CSMD1: variants seen among roughly 807,000 people sequenced by gnomAD.
CSMD1 encodes CUB and sushi domain-containing protein 1.
Under a neutral mutation model 417.5 loss-of-function variants are expected in CSMD1, and 213 were observed. The ratio of observed to expected loss-of-function variants is 0.51; its 90% confidence interval spans 0.46 to 0.57. CSMD1 has a LOEUF of 0.57. Ranked by LOEUF, CSMD1 falls within the 20% of genes least tolerant of loss-of-function variation. The pLI, the probability that CSMD1 is intolerant of heterozygous loss-of-function variation, is 0.00. For synonymous variants in CSMD1, 2,862 were observed against 1,736.8 expected (o/e 1.65, Z -16.11); for missense variants, 6,923 against 4,529.7 (o/e 1.53, Z -15.17).
At chr8:3,267,440 G>A (rs1323930926) in intron 26 of CSMD1, among the ~76,000 whole-genome samples, 2 of 152,206 alleles carry the variant, frequency 1.3e-5, no homozygotes, top group Non-Finnish European at 1.5e-5. Flanking sequence ...GAGCAGTTGC[G>A]TGGTTGGTGG....
At chr8:4,032,235 C>T in intron 3 of CSMD1, 136 bp from the exon 4 acceptor site, 2 of 615,854 alleles carry the variant, frequency 3.2e-6, no homozygotes, top group Non-Finnish European at 5.4e-6. Flanking sequence ...TTAATTGTTG[C>T]TAAAAAATAA....
At chr8:3,121,588 G>C (rs1419534650) in intron 41 of CSMD1, among the ~76,000 whole-genome samples, 1 of 152,112 alleles carries the variant, frequency 6.6e-6, no homozygotes, top group African/African-American at 2.4e-5. Context: ...TACTAACAGA[G>C]CTTTGGGGGC....
intron 5 of CSMD1, among the ~76,000 whole-genome samples, chr8:3,924,888 C>G (rs909686652): frequency 1.3e-5 from 2 of 152,002 alleles, no homozygotes; most frequent in African/African-American, 2.4e-5. Context: ...GGTACTGGTG[C>G]TTTGTTTTGC....
In CSMD1 at chr8:4,202,938, A is replaced by T. The variant is rs187984649; in HGVS notation, c.416-170839T>A. The stretch of plus-strand genomic sequence containing the variant: ...TGGAGTGAGGAGAGATGTTGGCCTT[A>T]TCTCTTTTTGCAGTTGTGGGAGGAG... On this transcript the variant is annotated intron_variant, in intron 3 of 69. Transcript: ENST00000635120. Among the ~76,000 whole-genome samples, 542 of 152,234 alleles carry T rather than the reference A, an allele frequency of 3.6e-3. 1 individual carries two copies. The highest frequency in any genetic ancestry group is 6.2e-3 in the Non-Finnish European group (424 of 68,010).
chr8:3,356,555 G>A (rs1808805406), intron 21 of CSMD1, among the ~76,000 whole-genome samples: 5 of 152,142 alleles, frequency 3.3e-5, no homozygotes. Context: ...TGTGCCTGTA[G>A]TCCCAGCAAC....
chr8:3,398,959 C>A (rs1411682296), intron 16 of CSMD1, among the ~76,000 whole-genome samples: 1 of 152,180 alleles, frequency 6.6e-6, no homozygotes, highest in Non-Finnish European at 1.5e-5. Flanking sequence ...CCATTGCCCG[C>A]TCAGCATCAC....
intron 5 of CSMD1, among the ~76,000 whole-genome samples, chr8:3,958,196 A>G (rs910045619): frequency 3.3e-5 from 5 of 152,210 alleles, no homozygotes; most frequent in African/African-American, 4.8e-5. Flanking sequence ...GAGAAAACAA[A>G]TATCTTAACC....
chr8:4,740,653 TG>T (rs1476183777), intron 1 of CSMD1, among the ~76,000 whole-genome samples: 14 of 152,364 alleles, frequency 9.2e-5, no homozygotes, highest in African/African-American at 3.1e-4. Context: ...TGCAGCTCTC[TG>T]GCTTTTCACT....
intron 6 of CSMD1, among the ~76,000 whole-genome samples, chr8:3,709,794 T>G (rs556948807): frequency 1.1e-4 from 17 of 149,336 alleles, no homozygotes; most frequent in African/African-American, 4.2e-4. Context: ...AGGTCTTCGG[T>G]CTTGTCAGCT....
chr8:4,746,313 C>G (rs1316211651), intron 1 of CSMD1, among the ~76,000 whole-genome samples: 1 of 152,190 alleles, frequency 6.6e-6, no homozygotes, highest in Non-Finnish European at 1.5e-5. Flanking sequence ...AGAATTCACT[C>G]AGAATAGCGA....
intron 1 of CSMD1, among the ~76,000 whole-genome samples, chr8:4,822,557 C>A (rs996890932): frequency 2.0e-5 from 3 of 151,964 alleles, no homozygotes; most frequent in African/African-American, 7.3e-5. Context: ...AAACTATGTG[C>A]AGGAAAAATT....
At chr8:4,637,812 A>C (rs1002067106) in intron 1 of CSMD1, among the ~76,000 whole-genome samples, 2 of 151,708 alleles carry the variant, frequency 1.3e-5, no homozygotes, top group African/African-American at 4.8e-5. Context: ...GTGGGACTAC[A>C]GGCGCCCGCC....
At chr8:4,269,180 C>G (rs1022866414) in intron 3 of CSMD1, among the ~76,000 whole-genome samples, 1 of 152,070 alleles carries the variant, frequency 6.6e-6, no homozygotes, top group Non-Finnish European at 1.5e-5. Flanking sequence ...CCTCAGCCCT[C>G]CTAGTAGCTG....
At chr8:3,200,365 G>A (rs1320955488) in intron 32 of CSMD1, among the ~76,000 whole-genome samples, 9 of 151,818 alleles carry the variant, frequency 5.9e-5, no homozygotes, top group African/African-American at 2.2e-4. Flanking sequence ...GACCAGCCTG[G>A]CCAACATGGG....
chr8:4,445,415 ATT>A (rs1347663058), intron 2 of CSMD1, among the ~76,000 whole-genome samples: 1 of 152,186 alleles, frequency 6.6e-6, no homozygotes, highest in African/African-American at 2.4e-5. Flanking sequence ...TTCTAATACT[ATT>A]TCTTACTGTA....
chr8:3,190,618 A>C (rs1796358111), intron 33 of CSMD1, among the ~76,000 whole-genome samples: 1 of 152,216 alleles, frequency 6.6e-6, no homozygotes, highest in Non-Finnish European at 1.5e-5. Flanking sequence ...CATCAGATCC[A>C]GCAATCCCAC....
At chr8:4,603,276 T>G (rs1317217274) in intron 2 of CSMD1, among the ~76,000 whole-genome samples, 1 of 152,016 alleles carries the variant, frequency 6.6e-6, no homozygotes, top group Non-Finnish European at 1.5e-5. Flanking sequence ...CTCCTTTAAT[T>G]TTTTTTACAT....
At chr8:3,214,059 T>G (rs886836983) in intron 30 of CSMD1, among the ~76,000 whole-genome samples, 1 of 151,936 alleles carries the variant, frequency 6.6e-6, no homozygotes, top group African/African-American at 2.4e-5. Context: ...TTGGCCAGGC[T>G]GGTCTCGAAC....
intron 7 of CSMD1, among the ~76,000 whole-genome samples, chr8:3,630,251 C>G (rs1190133604): frequency 6.6e-6 from 1 of 152,108 alleles, no homozygotes; most frequent in Non-Finnish European, 1.5e-5. Flanking sequence ...TGGATAGGGT[C>G]ACAGTTGGAC....
Sources: gnomAD v4.1 joint callset for allele counts (sites outside exome capture counted in the v4.1 genomes callset) on GRCh38, gnomAD v4.1.1 for gene constraint, MANE v1.5 for transcripts, NCBI Gene and HGNC (gene_info 2026-07-23, HGNC 2026-07-21) for gene names.